The following GRIK2 variants were observed in gnomAD, a reference collection of about 807,000 sequenced individuals.
The protein encoded by GRIK2 is glutamate ionotropic receptor kainate type subunit 2.
A neutral mutation model predicts 100.3 loss-of-function variants in GRIK2; 32 were observed. That is an observed-to-expected ratio of 0.32 (90% CI 0.24 to 0.43). The LOEUF (loss-of-function observed/expected upper bound fraction) is 0.43. GRIK2 is among the 20% of genes least tolerant of loss of function. GRIK2 has a pLI of 1.00. For missense variants in GRIK2, 843 were observed against 1,114.9 expected, an observed-to-expected ratio of 0.76 and a Z score of 3.47; for synonymous variants, 417 against 389.4, an observed-to-expected ratio of 1.07 and a Z score of -0.83.
intron 14 of GRIK2, among the ~76,000 whole-genome samples, chr6:102,011,457 T>A (rs1795526959): frequency 6.6e-6 from 1 of 152,052 alleles, no homozygotes; most frequent in African/African-American, 2.4e-5. Context: ...TTTTTGCAAA[T>A]ATTTTTTTCC....
chr6:101,654,902 A>G (rs1426913838), intron 4 of GRIK2, among the ~76,000 whole-genome samples: 1 of 152,072 alleles, frequency 6.6e-6, no homozygotes, highest in East Asian at 1.9e-4. Context: ...TGTGTTAACA[A>G]CTTAGTGTCT....
chr6:101,975,982 G>T (rs1353267893), intron 14 of GRIK2, among the ~76,000 whole-genome samples: 1 of 151,946 alleles, frequency 6.6e-6, no homozygotes, highest in Non-Finnish European at 1.5e-5. Context: ...ACATCCCTGA[G>T]AAAATTGAAG....
chr6:101,932,008 A>C (rs1049688272), intron 14 of GRIK2, among the ~76,000 whole-genome samples: 1 of 152,104 alleles, frequency 6.6e-6, no homozygotes, highest in African/African-American at 2.4e-5. Context: ...TATAAAGGCT[A>C]GGAGAATGGA....
intron 2 of GRIK2, among the ~76,000 whole-genome samples, chr6:101,565,537 T>C (rs62419631): frequency 0.2 from 29,823 of 152,038 alleles, 3,532 homozygotes; most frequent in East Asian, 0.41. Context: ...TCACTCCACT[T>C]CCTTTTTTAG....
At chr6:101,865,940 A>G (rs1785028808) in intron 11 of GRIK2, among the ~76,000 whole-genome samples, 1 of 151,980 alleles carries the variant, frequency 6.6e-6, no homozygotes, top group African/African-American at 2.4e-5. Context: ...AAAAAAAATT[A>G]CAACCAACAA....
chr6:101,676,599 T>TG (rs1770859889), intron 4 of GRIK2, 24 bp from the exon 5 acceptor site: 1 of 1,417,918 alleles, frequency 7.1e-7, no homozygotes, highest in African/African-American at 1.5e-5. Flanking sequence ...AATATTCTTT[T>TG]TTTTTTTTCC....
At chr6:101,858,376 A>ATTTTT (rs66505184) in intron 10 of GRIK2, among the ~76,000 whole-genome samples, 2 of 125,458 alleles carry the variant, frequency 1.6e-5, no homozygotes, top group East Asian at 2.4e-4. Flanking sequence ...CTCTCTCTCT[A>ATTTTT]TTTTTTTTTC....
intron 10 of GRIK2, among the ~76,000 whole-genome samples, chr6:101,835,559 C>T (rs553107185): frequency 6.8e-6 from 1 of 146,912 alleles, no homozygotes; most frequent in South Asian, 2.2e-4. Context: ...CAACTTCCAT[C>T]CCCCGGGTTC....
intron 2 of GRIK2, among the ~76,000 whole-genome samples, chr6:101,546,836 T>C (rs1776261974): frequency 1.0e-5 from 1 of 99,328 alleles, no homozygotes; most frequent in Admixed American, 9.4e-5. Context: ...TTTTTTTTTT[T>C]TTTTTTTTTT....
At chr6:101,909,384 T>TTTTTTTG (rs1788491469) in intron 12 of GRIK2, among the ~76,000 whole-genome samples, 8 of 138,582 alleles carry the variant, frequency 5.8e-5, no homozygotes, top group Non-Finnish European at 7.9e-5. Flanking sequence ...TTCTTTTTCT[T>TTTTTTTG]TTTTTTTTTT....
intron 10 of GRIK2, among the ~76,000 whole-genome samples, chr6:101,835,020 A>C (rs1782974852): frequency 6.6e-6 from 1 of 151,552 alleles, no homozygotes; most frequent in African/African-American, 2.4e-5. Context: ...ATAAAAACTT[A>C]CATACATACA....
intron 9 of GRIK2, among the ~76,000 whole-genome samples, chr6:101,808,050 T>C (rs1781114223): frequency 6.6e-6 from 1 of 152,184 alleles, no homozygotes; most frequent in South Asian, 2.1e-4. Flanking sequence ...ATGTAACTTA[T>C]TGTTGGAAGT....
intron 13 of GRIK2, among the ~76,000 whole-genome samples, chr6:101,926,194 G>A (rs946204113): frequency 7.7e-6 from 1 of 129,296 alleles, no homozygotes; most frequent in African/African-American, 2.7e-5. Context: ...TGGGTCCAAG[G>A]GTTTTTTTTT....
chr6:101,483,235 A>G (rs1772629834), intron 2 of GRIK2, among the ~76,000 whole-genome samples: 2 of 152,146 alleles, frequency 1.3e-5, no homozygotes, highest in Non-Finnish European at 2.9e-5. Context: ...ATGGAATTCT[A>G]CTCTCTGAAA....
At chr6:101,678,548 A>C (rs2128340752) in intron 5 of GRIK2, among the ~76,000 whole-genome samples, 1 of 152,244 alleles carries the variant, frequency 6.6e-6, no homozygotes, top group African/African-American at 2.4e-5. Context: ...TGTTATTTTT[A>C]ACTTTGTCTC....
chr6:102,041,138 T>A (rs1421539411), intron 15 of GRIK2, among the ~76,000 whole-genome samples: 1 of 151,602 alleles, frequency 6.6e-6, no homozygotes, highest in African/African-American at 2.4e-5. Flanking sequence ...ATTAACAGGC[T>A]GCATGCTACA....
At chr6:102,051,632 G>C (rs1416486700) in intron 15 of GRIK2, among the ~76,000 whole-genome samples, 1 of 151,880 alleles carries the variant, frequency 6.6e-6, no homozygotes, top group South Asian at 2.1e-4. Context: ...AAAATATATG[G>C]TCACCCTGTG....
chr6:101,765,041 G>C (rs1287088020), intron 7 of GRIK2, among the ~76,000 whole-genome samples: 3 of 152,002 alleles, frequency 2.0e-5, no homozygotes, highest in Non-Finnish European at 4.4e-5. Flanking sequence ...ACACTGTCTT[G>C]TTGTCTCTCA....
intron 14 of GRIK2, among the ~76,000 whole-genome samples, chr6:101,958,523 C>T (rs535850118): frequency 1.3e-5 from 2 of 151,944 alleles, no homozygotes; most frequent in African/African-American, 4.8e-5. Flanking sequence ...TTATTTCTTC[C>T]TCTTGCTTGA....
Sources: gnomAD v4.1 joint callset for allele counts (sites outside exome capture counted in the v4.1 genomes callset) on GRCh38, gnomAD v4.1.1 for gene constraint, MANE v1.5 for transcripts, NCBI Gene and HGNC (gene_info 2026-07-23, HGNC 2026-07-21) for gene names.